Variants in DCDC2 observed in about 807,000 individuals in gnomAD.
DCDC2 encodes the protein doublecortin domain containing 2.
In DCDC2, 40 loss-of-function variants were observed where a neutral mutation model predicts 50.2. The observed-to-expected ratio is 0.80, with a 90% confidence interval of 0.62 to 1.04. The LOEUF (loss-of-function observed/expected upper bound fraction) is 1.04, where lower values mean the gene tolerates loss of function less well. Ranked by LOEUF, DCDC2 falls within the 50% of genes least tolerant of loss-of-function variation. The pLI is 0.00. For synonymous variants in DCDC2, 234 were observed against 210.6 expected (o/e 1.11, Z -0.96); for missense variants, 570 against 581.9 (o/e 0.98, Z 0.21).
chr6:24,261,419 A>AT (rs1763006808), intron 7 of DCDC2, among the ~76,000 whole-genome samples: 2 of 151,898 alleles, frequency 1.3e-5, no homozygotes. Context: ...CTCTGCCTGA[A>AT]TCTCTTCTCT....
chr6:24,313,205 A>G (rs1056851821), intron 2 of DCDC2, among the ~76,000 whole-genome samples: 1 of 152,226 alleles, frequency 6.6e-6, no homozygotes, highest in Non-Finnish European at 1.5e-5. Context: ...GGGCACTTAC[A>G]AGAAAATAAA....
chr6:24,279,142 T>C (rs1763418310), intron 6 of DCDC2, among the ~76,000 whole-genome samples: 1 of 152,158 alleles, frequency 6.6e-6, no homozygotes, highest in South Asian at 2.1e-4. Flanking sequence ...GGGAGCCACA[T>C]AGCAGCCACT....
intron 1 of DCDC2, among the ~76,000 whole-genome samples, chr6:24,355,427 A>C (rs1760449516): frequency 6.6e-6 from 1 of 152,206 alleles, no homozygotes; most frequent in African/African-American, 2.4e-5. Flanking sequence ...ATAAAAAATA[A>C]AGTATGTAAC....
In DCDC2 at chr6:24,192,536, G is replaced by A. The variant is rs999402553; in HGVS notation, c.1023+12466C>T. ...AAGAAAAAAACATAGTGCAGGAAAG[G>A]AAAGTGTAAAATAATAGAACATCAA... On this transcript the variant is annotated intron_variant, in intron 8 of 9. Coordinates refer to ENST00000378454, the MANE Select transcript of DCDC2 (RefSeq NM_016356.5). Among the ~76,000 whole-genome samples, 4 of 152,058 alleles carry A rather than the reference G, an allele frequency of 2.6e-5. No individual in the cohort carries two copies. The East Asian group carries it at 7.7e-4, about 29-fold the overall frequency.
the DCDC2 span, among the ~76,000 whole-genome samples, chr6:24,377,019 G>C: frequency 5.3e-5 from 8 of 152,082 alleles, no homozygotes; most frequent in Admixed American, 1.3e-4. Context: ...CAATGCCCCA[G>C]GCCTTCTGGA....
chr6:24,310,234 T>C (rs1428265073), intron 2 of DCDC2, among the ~76,000 whole-genome samples: 1 of 152,212 alleles, frequency 6.6e-6, no homozygotes, highest in Admixed American at 6.5e-5. Context: ...AAAATATCTT[T>C]TTCTAGTATT....
chr6:24,355,219 T>C (rs377153762), intron 1 of DCDC2, among the ~76,000 whole-genome samples: 28 of 152,206 alleles, frequency 1.8e-4, no homozygotes, highest in East Asian at 5.8e-4. Context: ...AAAAATAACA[T>C]GCAAATCTCT....
chr6:24,322,367 G>A (rs975936801), intron 2 of DCDC2, among the ~76,000 whole-genome samples: 3 of 152,042 alleles, frequency 2.0e-5, no homozygotes, highest in Non-Finnish European at 4.4e-5. Context: ...GCATAACAAG[G>A]AAGAAAATAA....
At chr6:24,360,596 G>T (rs1581673515), upstream of DCDC2, among the ~76,000 whole-genome samples, 1 of 152,172 alleles carries the variant, frequency 6.6e-6, no homozygotes, top group East Asian at 1.9e-4. Context: ...GCTTTGTCCA[G>T]TCCAGTCTGG....
intron 7 of DCDC2, among the ~76,000 whole-genome samples, chr6:24,217,905 C>T (rs1031300553): frequency 5.9e-5 from 9 of 152,140 alleles, no homozygotes; most frequent in Non-Finnish European, 1.5e-5. Context: ...TCTGACTATG[C>T]ATAAAGTCTG....
intron 7 of DCDC2, among the ~76,000 whole-genome samples, chr6:24,210,052 G>GTC (rs1554145332): frequency 0.01 from 1,378 of 133,264 alleles, 18 homozygotes; most frequent in African/African-American, 0.036. Flanking sequence ...GTGTGTGTGT[G>GTC]TGTCTGTCTG....
rs1762078304 is a variant in DCDC2, at chr6:24,220,693, GT to G, written c.923-15592del. On this transcript the variant is annotated intron_variant, in intron 7 of 9. Coordinates refer to ENST00000378454, the MANE Select transcript of DCDC2 (RefSeq NM_016356.5). ...AACCACTTCACTACTACATTAGTCT[GT>G]TTTCATACTGCTATGAAGAACTGCC... Among the ~76,000 whole-genome samples the G allele has an allele frequency of 5.3e-5, 8 of 152,238 alleles. No homozygotes were observed. In the South Asian group the frequency reaches 1.7e-3, roughly 32 times the overall value.
chr6:24,294,930 A>C (rs1315399848), intron 4 of DCDC2, among the ~76,000 whole-genome samples: 1 of 152,080 alleles, frequency 6.6e-6, no homozygotes, highest in African/African-American at 2.4e-5. Flanking sequence ...CTATTCCAAA[A>C]AATTGAGGAG....
chr6:24,297,861 A>G lies in DCDC2; in HGVS notation c.557+3854T>C, dbSNP rs192923534. ...GTAAGGAAGATCTAAACAAGTCATA[A>G]AACGTAGTGATTATAAAGATTGAAA... On this transcript the variant is annotated intron_variant, in intron 4 of 9. Coordinates refer to ENST00000378454, the MANE Select transcript of DCDC2 (RefSeq NM_016356.5). 1.1e-4 allele frequency among the ~76,000 whole-genome samples: 17 copies of G among 152,362 alleles called. No individual in the cohort carries two copies. In the East Asian group the frequency reaches 3.3e-3, roughly 29 times the overall value.
chr6:24,259,385 T>C (rs1374416069), intron 7 of DCDC2, among the ~76,000 whole-genome samples: 1 of 152,176 alleles, frequency 6.6e-6, no homozygotes, highest in East Asian at 1.9e-4. Context: ...GTCTTTAGAG[T>C]AAATAGTGAT....
intron 2 of DCDC2, among the ~76,000 whole-genome samples, chr6:24,315,171 G>T (rs369446141): frequency 9.3e-4 from 61 of 65,906 alleles, no homozygotes; most frequent in African/African-American, 2.4e-3. Flanking sequence ...ATTGATCTTT[G>T]CTTTTTTTTT....
At chr6:24,312,324 C>T (rs892541436) in intron 2 of DCDC2, among the ~76,000 whole-genome samples, 1 of 152,118 alleles carries the variant, frequency 6.6e-6, no homozygotes, top group South Asian at 2.1e-4. Flanking sequence ...CACGTAACAC[C>T]TCAGTGGAAT....
intron 9 of DCDC2, 67 bp downstream of exon 9, chr6:24,178,263 G>T: frequency 6.8e-7 from 1 of 1,480,344 alleles, no homozygotes. Flanking sequence ...TTAATTCTCT[G>T]AATGCACGCA....
In DCDC2 at chr6:24,172,578, A is replaced by C. The variant is rs1760804732; in HGVS notation, c.*2152T>G. On this transcript the variant is annotated 3_prime_UTR_variant, in exon 10 of 10. Coordinates refer to ENST00000378454, the MANE Select transcript of DCDC2 (RefSeq NM_016356.5). ...AAGAGAAAGAGAAACTCTCCATTGA[A>C]GAAACAAAAGAGAATCACCTTGATA... 1 of 152,220 alleles carries C rather than the reference A, an allele frequency of 6.6e-6. No individual in the cohort carries two copies. The highest frequency in any genetic ancestry group is 1.5e-5 in the Non-Finnish European group (1 of 68,036). 9.4% of individuals were successfully genotyped at this position (152,220 alleles called of 1,614,324 possible). A position where few individuals can be genotyped will look rare whatever the true frequency, so the allele number is the denominator to read the frequency against.
Sources: allele counts gnomAD v4.1 joint callset (sites outside exome capture counted in the v4.1 genomes callset), GRCh38; gene constraint gnomAD v4.1.1; transcripts MANE v1.5; gene names NCBI Gene and HGNC (gene_info 2026-07-23, HGNC 2026-07-21).